Variants in NOS1AP observed in about 807,000 individuals in gnomAD.
NOS1AP encodes the protein nitric oxide synthase 1 adaptor protein, also known as carboxyl-terminal PDZ ligand of neuronal nitric oxide synthase protein.
Under a neutral mutation model 56.2 loss-of-function variants are expected in NOS1AP, and 21 were observed. That is an observed-to-expected ratio of 0.37 (90% CI 0.26 to 0.54). The LOEUF is 0.54. NOS1AP is among the 20% of genes least tolerant of loss of function. The pLI is 0.84. For missense variants in NOS1AP, 522 were observed against 657.8 expected (o/e 0.79, Z 2.26); for synonymous variants, 270 against 274.6 (o/e 0.98, Z 0.17).
chr1:162,166,865 G>A (rs1289737457), intron 2 of NOS1AP, among the ~76,000 whole-genome samples: 1 of 152,184 alleles, frequency 6.6e-6, no homozygotes, highest in Non-Finnish European at 1.5e-5. Flanking sequence ...CCAGAAGGCA[G>A]CTAGAATTGG....
At chr1:162,231,395 A>AT (rs1300868430) in intron 2 of NOS1AP, among the ~76,000 whole-genome samples, 1 of 152,126 alleles carries the variant, frequency 6.6e-6, no homozygotes, top group Non-Finnish European at 1.5e-5. Flanking sequence ...CCTTTATCAG[A>AT]TACATGATTT....
chr1:162,273,160 C>CTTTTTTTTTTT (rs11429407), intron 2 of NOS1AP, among the ~76,000 whole-genome samples: 2 of 106,222 alleles, frequency 1.9e-5, no homozygotes, highest in African/African-American at 3.8e-5. Context: ...AGCCCTTGTT[C>CTTTTTTTTTTT]TTTTTTTTTT....
At chr1:162,303,737 C>T (rs534736592) in intron 4 of NOS1AP, among the ~76,000 whole-genome samples, 3 of 152,276 alleles carry the variant, frequency 2.0e-5, no homozygotes, top group African/African-American at 7.2e-5. Context: ...CCACTGCACT[C>T]AGCCTTCTCT....
intron 1 of NOS1AP, among the ~76,000 whole-genome samples, chr1:162,138,177 A>G (rs1649085131): frequency 6.6e-6 from 1 of 152,208 alleles, no homozygotes; most frequent in Non-Finnish European, 1.5e-5. Context: ...ATAATCATTT[A>G]TTCTCTCATA....
chr1:162,179,056 A>G (rs1009138898), intron 2 of NOS1AP, among the ~76,000 whole-genome samples: 1 of 150,986 alleles, frequency 6.6e-6, no homozygotes, highest in Non-Finnish European at 1.5e-5. Flanking sequence ...AATTTTGATA[A>G]CAGTTTTGTC....
intron 1 of NOS1AP, among the ~76,000 whole-genome samples, chr1:162,082,272 C>G (rs143319798): frequency 6.6e-6 from 1 of 152,096 alleles, no homozygotes; most frequent in Non-Finnish European, 1.5e-5. Context: ...GACATGATCT[C>G]GTACTTTTTC....
chr1:162,212,264 T>C (rs112312826), intron 2 of NOS1AP, among the ~76,000 whole-genome samples: 7 of 152,326 alleles, frequency 4.6e-5, no homozygotes, highest in African/African-American at 1.7e-4. Context: ...ATCAGTGGTC[T>C]GAGCAGTGGT....
chr1:162,235,298 C>T (rs549127582), intron 2 of NOS1AP, among the ~76,000 whole-genome samples: 25 of 152,304 alleles, frequency 1.6e-4, no homozygotes, highest in Non-Finnish European at 2.4e-4. Context: ...GTCATGATTT[C>T]GTTGCACTCT....
In NOS1AP at chr1:162,324,925, A is replaced by C. The variant is rs1236557707; in HGVS notation, c.345-8092A>C. 2.0e-5 allele frequency among the ~76,000 whole-genome samples: 3 copies of C among 152,218 alleles called. No homozygotes were observed. In the East Asian group the frequency reaches 5.8e-4, roughly 29 times the overall value. ...GCGATGAAGCAGATCTGTGATATAC[A>C]TCCCAGTCATGGTGACAAGGGGCGA... On this transcript the variant is annotated intron_variant, in intron 4 of 9. Coordinates refer to ENST00000361897, the MANE Select transcript of NOS1AP (RefSeq NM_014697.3).
intron 2 of NOS1AP, among the ~76,000 whole-genome samples, chr1:162,257,998 T>C (rs138461963): frequency 6.6e-6 from 1 of 152,284 alleles, no homozygotes; most frequent in East Asian, 1.9e-4. Flanking sequence ...TTAAATGCCA[T>C]AAATTGTCTC....
chr1:162,319,566 T>C (rs1211381666), intron 4 of NOS1AP, among the ~76,000 whole-genome samples: 3 of 152,058 alleles, frequency 2.0e-5, no homozygotes, highest in Non-Finnish European at 4.4e-5. Flanking sequence ...CATGACCTCA[T>C]GCCTTTCCAC....
chr1:162,110,867 G>A (rs1287328427), intron 1 of NOS1AP, among the ~76,000 whole-genome samples: 2 of 152,222 alleles, frequency 1.3e-5, no homozygotes. Context: ...CTAATAAATA[G>A]TAGAGCCAGG....
At chr1:162,231,400 T>A (rs1451038838) in intron 2 of NOS1AP, among the ~76,000 whole-genome samples, 2 of 152,210 alleles carry the variant, frequency 1.3e-5, no homozygotes, top group Non-Finnish European at 2.9e-5. Flanking sequence ...ATCAGATACA[T>A]GATTTGGAAA....
chr1:162,143,892 C>T (rs12118763), intron 1 of NOS1AP, among the ~76,000 whole-genome samples: 13,882 of 152,196 alleles, frequency 0.091, 907 homozygotes, highest in Non-Finnish European at 0.13. Flanking sequence ...GTTGGTGCTG[C>T]GCAAAGCTGA....
chr1:162,155,273 C>CATAT (rs1247855328), intron 2 of NOS1AP, among the ~76,000 whole-genome samples: 3 of 140,370 alleles, frequency 2.1e-5, no homozygotes, highest in East Asian at 2.1e-4. Flanking sequence ...TATACACATA[C>CATAT]ATATACACAT....
intron 4 of NOS1AP, among the ~76,000 whole-genome samples, chr1:162,324,786 T>G (rs1643798187): frequency 6.6e-6 from 1 of 152,174 alleles, no homozygotes; most frequent in Admixed American, 6.5e-5. Context: ...GAAGAAACCT[T>G]AGGAATCAGC....
At chr1:162,204,001 G>A (rs187294208) in intron 2 of NOS1AP, among the ~76,000 whole-genome samples, 1 of 152,286 alleles carries the variant, frequency 6.6e-6, no homozygotes, top group African/African-American at 2.4e-5. Context: ...CTTAGATTTA[G>A]CAGGCTCGCC....
intron 4 of NOS1AP, among the ~76,000 whole-genome samples, chr1:162,321,731 A>AAAAAAAT (rs1480278757): frequency 3.1e-5 from 4 of 128,490 alleles, no homozygotes; most frequent in African/African-American, 1.2e-4. Context: ...AAAAAAAAAA[A>AAAAAAAT]ATATATATAT....
At chr1:162,224,528 G>A (rs1197591693) in intron 2 of NOS1AP, among the ~76,000 whole-genome samples, 1 of 152,196 alleles carries the variant, frequency 6.6e-6, no homozygotes, top group African/African-American at 2.4e-5. Flanking sequence ...GGGGTCAGGA[G>A]AAAGGTCACA....
Sources: gnomAD v4.1 joint callset for allele counts (sites outside exome capture counted in the v4.1 genomes callset) on GRCh38, gnomAD v4.1.1 for gene constraint, MANE v1.5 for transcripts, NCBI Gene and HGNC (gene_info 2026-07-23, HGNC 2026-07-21) for gene names.